Variants in GSR observed in about 807,000 individuals in gnomAD.
GSR encodes the protein glutathione reductase, mitochondrial.
A neutral mutation model predicts 56.5 loss-of-function variants in GSR; 48 were observed. The ratio of observed to expected loss-of-function variants is 0.85; its 90% CI spans 0.67 to 1.08. The LOEUF (loss-of-function observed/expected upper bound fraction) is 1.08, where lower values mean the gene tolerates loss of function less well. Ranked by LOEUF, GSR falls within the 50% of genes least tolerant of loss-of-function variation. GSR has a pLI of 0.00. For missense variants in GSR, 694 were observed against 703.3 expected, an observed-to-expected ratio of 0.99 and a Z score of 0.15; for synonymous variants, 264 against 270.8, an observed-to-expected ratio of 0.97 and a Z score of 0.25.
intron 1 of GSR, among the ~76,000 whole-genome samples, chr8:30,726,601 A>G (rs560575988): frequency 2.6e-5 from 4 of 152,038 alleles, no homozygotes; most frequent in Non-Finnish European, 4.4e-5. Context: ...CTCTACAAAA[A>G]ATAATAATAA....
intron 7 of GSR, among the ~76,000 whole-genome samples, chr8:30,695,485 C>T (rs3110091): frequency 0.014 from 2,105 of 152,188 alleles, 25 homozygotes; most frequent in Non-Finnish European, 0.019. Flanking sequence ...CCGCCCGCCT[C>T]AGCCTCCCAA....
At position 30,727,820 on chromosome 8, in the gene GSR, G is replaced by A. The variant is rs913243161; in HGVS notation, c.16C>T (p.Arg6Ter). The A allele has an allele frequency of 1.6e-6, 2 of 1,261,874 alleles. No individual in the cohort carries two copies. Among genetic ancestry groups the A allele is most frequent in the South Asian group, 2.7e-5 (1 of 36,504 alleles). 78.2% of individuals were successfully genotyped at this position (1,261,874 alleles called of 1,614,324 possible). Reference sequence around the variant, plus strand: ...GGTCCCGCGCCGGCGCTCAGGGCTCGGGGCAGCAGGGCCATGCACGCGGAA... The same window carrying A: ...GGTCCCGCGCCGGCGCTCAGGGCTCAGGGCAGCAGGGCCATGCACGCGGAA... MALLP[R>*]ALSAGAGPSW... Residue 6 changes from arginine (R) to a stop codon, truncating the protein, a stop_gained, in exon 1 of 13, where the codon CGA (arginine) becomes TGA (stop). Coordinates refer to ENST00000221130, the MANE Select transcript of GSR (RefSeq NM_000637.5). LOFTEE classifies it high-confidence loss of function.
At chr8:30,709,732 ATCCCTAAAAAAGTTTATGGC>A (rs1804059240) in intron 3 of GSR, 62 bp downstream of exon 3, 1 of 788,134 alleles carries the variant, frequency 1.3e-6, no homozygotes, top group Non-Finnish European at 2.3e-6. Flanking sequence ...TTCCTCCTCC[ATCCCTAAAAAAGTTTATGGC>A]TCAGTTATAA....
At chr8:30,687,357 C>T (rs529140915) in intron 9 of GSR, among the ~76,000 whole-genome samples, 23 of 151,952 alleles carry the variant, frequency 1.5e-4, no homozygotes, top group Non-Finnish European at 2.9e-4. Flanking sequence ...CAAATATATA[C>T]GCCTCAGGCT....
At chr8:30,708,895 C>T (rs1367522567) in intron 3 of GSR, among the ~76,000 whole-genome samples, 1 of 142,026 alleles carries the variant, frequency 7.0e-6, no homozygotes, top group Non-Finnish European at 1.5e-5. Flanking sequence ...GTAGGCGGAG[C>T]GTGCAGTGAG....
At chr8:30,701,421 C>T (rs548499858) in intron 5 of GSR, among the ~76,000 whole-genome samples, 2 of 151,340 alleles carry the variant, frequency 1.3e-5, no homozygotes, top group Non-Finnish European at 2.9e-5. Flanking sequence ...AGCCAAGATC[C>T]TCCCATTGCA....
At chr8:30,695,299 A>C (rs1050865015) in intron 7 of GSR, among the ~76,000 whole-genome samples, 1 of 151,980 alleles carries the variant, frequency 6.6e-6, no homozygotes, top group Non-Finnish European at 1.5e-5. Flanking sequence ...GCAGTGGTGC[A>C]ATCTTGGCTC....
chr8:30,715,441 C>T (rs1013495035), intron 1 of GSR, among the ~76,000 whole-genome samples: 14 of 152,064 alleles, frequency 9.2e-5, no homozygotes, highest in African/African-American at 2.9e-4. Context: ...GAAAGGAGGA[C>T]GCACAGCAGG....
At position 30,684,153 on chromosome 8, in the gene GSR, T is replaced by C; in HGVS notation, c.1088A>G (p.Gln363Arg). Residue 363 changes from glutamine (Q) to arginine (R), a missense_variant, in exon 10 of 13, where the codon CAG becomes CGG. By Grantham distance (43) the Gln-to-Arg change is conservative (BLOSUM62 1). Coordinates refer to ENST00000221130, the MANE Select transcript of GSR (RefSeq NM_000637.5). Reference protein sequence around the residue: ...DKGHIIVDEFQNTNVKGIYAV... With the variant: ...DKGHIIVDEFRNTNVKGIYAV... ...ATAGATGCCTTTGACGTTGGTATTCTGGAATTCGTCTACGATGATATGACC... is the reference window on the plus strand; with the variant it reads ...ATAGATGCCTTTGACGTTGGTATTCCGGAATTCGTCTACGATGATATGACC... 2 of 1,610,570 alleles carry C rather than the reference T, an allele frequency of 1.2e-6. No homozygotes were observed. Among genetic ancestry groups the C allele is most frequent in the African/African-American group, 1.3e-5 (1 of 74,958 alleles).
chr8:30,697,356 G>A (rs761068222), intron 6 of GSR, among the ~76,000 whole-genome samples: 5 of 151,914 alleles, frequency 3.3e-5, no homozygotes, highest in African/African-American at 1.2e-4. Flanking sequence ...AGAGGATGCA[G>A]TAAGCCAAGA....
chr8:30,724,056 G>C (rs1804644902), intron 1 of GSR, among the ~76,000 whole-genome samples: 6 of 152,080 alleles, frequency 3.9e-5, no homozygotes, highest in Admixed American at 3.9e-4. Context: ...TTTTATTTAG[G>C]AAAGAACTCA....
At chr8:30,689,817 TTA>T (rs1482684155) in intron 8 of GSR, among the ~76,000 whole-genome samples, 1 of 143,362 alleles carries the variant, frequency 7.0e-6, no homozygotes, top group African/African-American at 2.5e-5. Flanking sequence ...ATAAATATAT[TTA>T]TATATGTAAA....
At chr8:30,689,096 G>C in intron 9 of GSR, 65 bp downstream of exon 9, 1 of 1,463,458 alleles carries the variant, frequency 6.8e-7, no homozygotes, top group Admixed American at 1.7e-5. Flanking sequence ...GTGTCTGGGG[G>C]GAAAATAAAA....
chr8:30,725,269 C>G (rs774867289), intron 1 of GSR, among the ~76,000 whole-genome samples: 2 of 151,822 alleles, frequency 1.3e-5, no homozygotes, highest in Non-Finnish European at 2.9e-5. Context: ...ATGGCAAAAC[C>G]CTGTTTCTAA....
chr8:30,727,795 G>A lies in GSR; in HGVS notation c.41C>T (p.Pro14Leu), dbSNP rs192256606. The change falls in exon 1 of 13, where the codon CCG becomes CTG. Residue 14 changes from proline to leucine, a missense_variant. Physicochemically the swap from Pro to Leu is moderately conservative, Grantham distance 98 (BLOSUM62 -3). Coordinates refer to ENST00000221130, the MANE Select transcript of GSR (RefSeq NM_000637.5). ...GGCGCGCGCCGCCCGCCGCCAGCTC[G>A]GTCCCGCGCCGGCGCTCAGGGCTCG... is the stretch of plus-strand genomic sequence containing the variant. ...LPRALSAGAG[P>L]SWRRAARAFR... 1.5e-6 allele frequency: 2 copies of A among 1,321,022 alleles called. No individual in the cohort carries two copies. Among genetic ancestry groups the A allele is most frequent in the South Asian group, 2.0e-5 (1 of 50,204 alleles). 81.8% of individuals were successfully genotyped at this position (1,321,022 alleles called of 1,614,324 possible). A position where few individuals can be genotyped will look rare whatever the true frequency, so the allele number is the denominator to read the frequency against.
intron 1 of GSR, 52 bp downstream of exon 1, chr8:30,727,478 A>G: frequency 6.7e-7 from 1 of 1,484,702 alleles, no homozygotes; most frequent in Non-Finnish European, 9.1e-7. Context: ...CTGTCCCCCG[A>G]AAGACCGAGA....
intron 8 of GSR, among the ~76,000 whole-genome samples, chr8:30,691,954 AG>A (rs1803392213): frequency 2.0e-5 from 3 of 151,796 alleles, no homozygotes; most frequent in Admixed American, 6.6e-5. Context: ...CAAAAAAATT[AG>A]CCAGGCGTGG....
At chr8:30,710,294 T>C (rs1212386962) in intron 2 of GSR, among the ~76,000 whole-genome samples, 2 of 151,908 alleles carry the variant, frequency 1.3e-5, no homozygotes, top group East Asian at 1.9e-4. Flanking sequence ...CCAGCCTGAG[T>C]GACAGAGTCT....
intron 1 of GSR, among the ~76,000 whole-genome samples, chr8:30,723,206 G>T (rs1054717732): frequency 3.9e-5 from 6 of 152,178 alleles, no homozygotes; most frequent in African/African-American, 1.4e-4. Context: ...AGGCAGAGAA[G>T]CGAACCACAG....
Sources: gnomAD v4.1 joint callset for allele counts (sites outside exome capture counted in the v4.1 genomes callset) on GRCh38, gnomAD v4.1.1 for gene constraint, MANE v1.5 for transcripts, NCBI Gene and HGNC (gene_info 2026-07-23, HGNC 2026-07-21) for gene names.